NRG3: variants seen among roughly 807,000 people sequenced by gnomAD.
NRG3 encodes the protein neuregulin 3.
NRG3 carries 31 observed loss-of-function variants against 66.9 expected under a neutral mutation model. The ratio of observed to expected loss-of-function variants is 0.46; its 90% CI spans 0.35 to 0.63. NRG3 has a LOEUF of 0.63. Among genes scored for constraint, NRG3 ranks in the 20% least tolerant of loss-of-function variants. The pLI, the probability that NRG3 is intolerant of heterozygous loss-of-function variation, is 0.00. For synonymous variants in NRG3, 393 were observed against 359.4 expected (o/e 1.09, Z -1.06); for missense variants, 910 against 878.9 (o/e 1.04, Z -0.45).
At chr10:82,934,186 G>T (rs541079360) in intron 4 of NRG3, among the ~76,000 whole-genome samples, 1 of 152,188 alleles carries the variant, frequency 6.6e-6, no homozygotes, top group Non-Finnish European at 1.5e-5. Flanking sequence ...AAACATGAAT[G>T]GGCATGTAGA....
At chr10:82,720,223 C>T (rs1295185962) in intron 2 of NRG3, among the ~76,000 whole-genome samples, 1 of 152,100 alleles carries the variant, frequency 6.6e-6, no homozygotes, top group Non-Finnish European at 1.5e-5. Flanking sequence ...AACCCCATCT[C>T]TACTAAAAAT....
At chr10:82,512,603 C>T (rs1845291298) in intron 2 of NRG3, among the ~76,000 whole-genome samples, 1 of 152,122 alleles carries the variant, frequency 6.6e-6, no homozygotes, top group Admixed American at 6.5e-5. Flanking sequence ...AACAAAACCC[C>T]AACCTGCCCA....
intron 3 of NRG3, among the ~76,000 whole-genome samples, chr10:82,825,721 C>G (rs1202082578): frequency 1.3e-5 from 2 of 152,160 alleles, no homozygotes; most frequent in African/African-American, 4.8e-5. Context: ...AGTTACATAT[C>G]TGTTTATATA....
chr10:82,599,678 G>A (rs1565113042), intron 2 of NRG3, among the ~76,000 whole-genome samples: 1 of 152,036 alleles, frequency 6.6e-6, no homozygotes, highest in African/African-American at 2.4e-5. Context: ...GTCGGGCGTG[G>A]TGGTGTTGCA....
intron 2 of NRG3, among the ~76,000 whole-genome samples, chr10:82,707,018 A>AATAAAT (rs1184688350): frequency 5.3e-4 from 75 of 141,314 alleles, no homozygotes; most frequent in African/African-American, 2.0e-3. Context: ...AAATAAAATA[A>AATAAAT]ATATATATAT....
At position 82,452,439 on chromosome 10, in the gene NRG3, A is replaced by C. The variant is rs115987165; in HGVS notation, c.953+93571A>C. ...AATTTATTTCATTTTCTTCCGTTAA[A>C]TTTATTCCTTGTGGTTTCTGTTATC... On this transcript the variant is annotated intron_variant, in intron 2 of 8. Coordinates refer to ENST00000372141, the MANE Select transcript of NRG3 (RefSeq NM_001010848.4). Among the ~76,000 whole-genome samples, 1,419 of 152,242 alleles carry C rather than the reference A, an allele frequency of 9.3e-3. 18 individuals are homozygous for C. Among genetic ancestry groups the C allele is most frequent in the African/African-American group, 0.032 (1,341 of 41,532 alleles).
chr10:82,917,363 G>T (rs1845940722), intron 4 of NRG3, among the ~76,000 whole-genome samples: 1 of 152,166 alleles, frequency 6.6e-6, no homozygotes, highest in African/African-American at 2.4e-5. Flanking sequence ...CCTTCACAAT[G>T]AAGTCACAGG....
intron 2 of NRG3, among the ~76,000 whole-genome samples, chr10:82,598,538 G>A (rs1206996810): frequency 1.3e-5 from 2 of 152,202 alleles, no homozygotes; most frequent in African/African-American, 4.8e-5. Context: ...GCCTGCCATA[G>A]AGTAGCAAGA....
At chr10:82,725,420 C>A (rs1377556662) in intron 2 of NRG3, among the ~76,000 whole-genome samples, 2 of 152,170 alleles carry the variant, frequency 1.3e-5, no homozygotes, top group African/African-American at 2.4e-5. Context: ...CCCTTGCACA[C>A]TGTGTGAGCT....
chr10:82,081,989 C>G (rs2133419205), intron 1 of NRG3, among the ~76,000 whole-genome samples: 1 of 152,254 alleles, frequency 6.6e-6, no homozygotes. Flanking sequence ...GAGCCCATAT[C>G]TAAAACCAAA....
intron 4 of NRG3, among the ~76,000 whole-genome samples, chr10:82,938,769 C>T (rs964223422): frequency 6.6e-6 from 1 of 152,170 alleles, no homozygotes; most frequent in African/African-American, 2.4e-5. Flanking sequence ...AGAAGATTCC[C>T]TTAAACCGCT....
At chr10:82,089,627 C>T (rs548249399) in intron 1 of NRG3, among the ~76,000 whole-genome samples, 2 of 152,224 alleles carry the variant, frequency 1.3e-5, no homozygotes, top group South Asian at 2.1e-4. Flanking sequence ...TCTTTTAGTT[C>T]TCTAATAAAC....
At chr10:81,943,760 A>G (rs1459078975) in intron 1 of NRG3, among the ~76,000 whole-genome samples, 4 of 152,198 alleles carry the variant, frequency 2.6e-5, no homozygotes, top group Non-Finnish European at 5.9e-5. Flanking sequence ...CAGCTAGAAA[A>G]CAATGTATCT....
At chr10:82,536,094 T>G (rs1220064692) in intron 2 of NRG3, among the ~76,000 whole-genome samples, 1 of 152,084 alleles carries the variant, frequency 6.6e-6, no homozygotes, top group Non-Finnish European at 1.5e-5. Context: ...TGTCCCAGAG[T>G]CTCCTGTGAG....
chr10:82,512,636 C>G (rs1156836388), intron 2 of NRG3, among the ~76,000 whole-genome samples: 1 of 152,158 alleles, frequency 6.6e-6, no homozygotes, highest in Non-Finnish European at 1.5e-5. Flanking sequence ...AGTACGCTCT[C>G]AGTAAGTTTC....
At chr10:82,018,416 G>C (rs188065397) in intron 1 of NRG3, among the ~76,000 whole-genome samples, 1 of 152,082 alleles carries the variant, frequency 6.6e-6, no homozygotes, top group African/African-American at 2.4e-5. Flanking sequence ...TTGGCGATGC[G>C]TGCTCTTTTT....
intron 1 of NRG3, among the ~76,000 whole-genome samples, chr10:82,107,971 A>G (rs1023158811): frequency 6.6e-6 from 1 of 152,210 alleles, no homozygotes; most frequent in Admixed American, 6.5e-5. Flanking sequence ...CAGCTTATCC[A>G]TTGCCACGGC....
intron 1 of NRG3, chr10:81,889,606 G>A (rs1364646287): frequency 6.6e-6 from 1 of 152,170 alleles, no homozygotes; most frequent in Admixed American, 6.5e-5. Flanking sequence ...CTGTGTAAGA[G>A]CAAATGTTAA....
intron 1 of NRG3, among the ~76,000 whole-genome samples, chr10:82,242,738 AAGTGAAGTAC>A (rs2077059248): frequency 6.6e-6 from 1 of 152,052 alleles, no homozygotes; most frequent in Admixed American, 6.6e-5. Flanking sequence ...AAGAAAGAAA[AAGTGAAGTAC>A]ATGTGTTTCC....
Sources: allele counts gnomAD v4.1 joint callset (sites outside exome capture counted in the v4.1 genomes callset), GRCh38; gene constraint gnomAD v4.1.1; transcripts MANE v1.5; gene names NCBI Gene and HGNC (gene_info 2026-07-23, HGNC 2026-07-21).